Variants in SYT14 observed in about 807,000 individuals in gnomAD.
The protein encoded by SYT14 is synaptotagmin-14.
Under a neutral mutation model 74.2 loss-of-function variants are expected in SYT14, and 32 were observed. The ratio of observed to expected loss-of-function variants is 0.43; its 90% CI spans 0.33 to 0.58. The LOEUF (loss-of-function observed/expected upper bound fraction) is 0.58, where lower values mean the gene tolerates loss of function less well. Ranked by LOEUF, SYT14 falls within the 20% of genes least tolerant of loss-of-function variation. The pLI is 0.05. For missense variants in SYT14, 791 were observed against 981.8 expected (o/e 0.81, Z 2.60); for synonymous variants, 298 against 337.7 (o/e 0.88, Z 1.29).
intron 7 of SYT14, among the ~76,000 whole-genome samples, chr1:210,136,396 A>G (rs2082786959): frequency 6.6e-6 from 1 of 152,176 alleles, no homozygotes; most frequent in Admixed American, 6.5e-5. Context: ...AAGATTTATA[A>G]TAATTGGGGA....
chr1:209,974,062 T>G (rs1188358189), intron 2 of SYT14, among the ~76,000 whole-genome samples: 1 of 152,066 alleles, frequency 6.6e-6, no homozygotes, highest in Middle Eastern at 3.2e-3. Context: ...GGGGTTGTTT[T>G]TTTTTTCCTT....
chr1:210,029,685 A>G (rs941131285), intron 5 of SYT14, among the ~76,000 whole-genome samples: 1 of 152,182 alleles, frequency 6.6e-6, no homozygotes, highest in African/African-American at 2.4e-5. Flanking sequence ...TTTTGAAATC[A>G]AGAAGTTTGA....
intron 7 of SYT14, among the ~76,000 whole-genome samples, chr1:210,120,256 AG>A (rs1475450191): frequency 6.6e-6 from 1 of 152,166 alleles, no homozygotes; most frequent in African/African-American, 2.4e-5. Context: ...AATTATATAC[AG>A]TCATGCACCA....
chr1:210,029,354 G>A (rs750766596), intron 5 of SYT14, among the ~76,000 whole-genome samples: 1 of 152,002 alleles, frequency 6.6e-6, no homozygotes, highest in Non-Finnish European at 1.5e-5. Context: ...ATCCAATGTT[G>A]TGAGGCTTTT....
intron 2 of SYT14, among the ~76,000 whole-genome samples, chr1:209,964,609 A>T (rs1286989809): frequency 1.3e-5 from 2 of 152,144 alleles, no homozygotes; most frequent in Non-Finnish European, 2.9e-5. Context: ...TTCCAAAATA[A>T]TCCTTTTTCC....
intron 2 of SYT14, among the ~76,000 whole-genome samples, chr1:209,958,860 T>TTTTAGAA (rs1409003035): frequency 6.6e-6 from 1 of 152,192 alleles, no homozygotes; most frequent in African/African-American, 2.4e-5. Context: ...AAAAGGATAC[T>TTTTAGAA]CTATAATCCT....
Position 210,089,508 on chromosome 1 carries a change from C to T in SYT14, c.1313-4814C>T, listed in dbSNP as rs192205800. Among the ~76,000 whole-genome samples, 756 of 152,282 alleles carry T rather than the reference C, an allele frequency of 5.0e-3. 8 individuals carry two copies. The highest frequency in any genetic ancestry group is 6.5e-3 in the Non-Finnish European group (439 of 68,014). ...TACACTCCCACCAACAGTGTAAAAG[C>T]ATTCCTATTTTTCCACAACCTCTCC... On this transcript the variant is annotated intron_variant, in intron 5 of 9. Transcript: ENST00000637265.
At chr1:210,117,872 T>C (rs2082389583) in intron 7 of SYT14, among the ~76,000 whole-genome samples, 1 of 152,198 alleles carries the variant, frequency 6.6e-6, no homozygotes, top group Non-Finnish European at 1.5e-5. Context: ...AAACTGCTTT[T>C]TAAAGTATTT....
At chr1:210,098,174 CAA>C (rs879873358) in intron 6 of SYT14, among the ~76,000 whole-genome samples, 65 of 119,764 alleles carry the variant, frequency 5.4e-4, no homozygotes, top group Admixed American at 7.7e-4. Flanking sequence ...GACCCTGTGT[CAA>C]AAAAAAAAAA....
At chr1:210,142,479 G>A (rs764138203) in intron 7 of SYT14, among the ~76,000 whole-genome samples, 3 of 152,130 alleles carry the variant, frequency 2.0e-5, no homozygotes, top group Non-Finnish European at 2.9e-5. Flanking sequence ...CTGCCTGTAA[G>A]GGTGTTTGAG....
At chr1:210,017,017 A>G (rs1002888890) in exon 4 of SYT14, 159 of 1,231,750 alleles carry the variant, frequency 1.3e-4, no homozygotes, top group Middle Eastern at 3.1e-4. Flanking sequence ...ACATAAAACC[A>G]AAGAAAACTG....
intron 5 of SYT14, among the ~76,000 whole-genome samples, chr1:210,091,479 A>G (rs2081866550): frequency 6.6e-6 from 1 of 152,174 alleles, no homozygotes; most frequent in African/African-American, 2.4e-5. Context: ...GCTTGAGCCC[A>G]GGAATTCAGG....
At chr1:210,160,863 T>C (rs1295915768) in exon 10 of SYT14, 4 of 1,614,012 alleles carry the variant, frequency 2.5e-6, no homozygotes, top group Non-Finnish European at 3.4e-6. Context: ...ATTTCAGCTT[T>C]CTGATGTGAC....
intron 1 of SYT14, among the ~76,000 whole-genome samples, chr1:209,940,651 C>T (rs1224626896): frequency 1.3e-5 from 2 of 152,126 alleles, no homozygotes; most frequent in Admixed American, 1.3e-4. Context: ...CATTCAGTAA[C>T]GTCTGTCTAC....
chr1:210,076,310 C>T (rs1294314391), intron 5 of SYT14, among the ~76,000 whole-genome samples: 1 of 152,114 alleles, frequency 6.6e-6, no homozygotes, highest in African/African-American at 2.4e-5. Context: ...TTGATATGAG[C>T]AGTATCATAT....
At chr1:209,947,440 A>G (rs1572051781) in intron 1 of SYT14, among the ~76,000 whole-genome samples, 1 of 152,222 alleles carries the variant, frequency 6.6e-6, no homozygotes, top group Non-Finnish European at 1.5e-5. Context: ...ATCATGGATG[A>G]CTTTGAAAGG....
chr1:209,962,100 TTG>T (rs2079083500), intron 2 of SYT14, among the ~76,000 whole-genome samples: 1 of 152,110 alleles, frequency 6.6e-6, no homozygotes, highest in African/African-American at 2.4e-5. Context: ...AAAATTATAA[TTG>T]TCTTACTTTT....
At chr1:210,012,096 A>G (rs2080095517) in intron 2 of SYT14, among the ~76,000 whole-genome samples, 1 of 152,160 alleles carries the variant, frequency 6.6e-6, no homozygotes, top group African/African-American at 2.4e-5. Context: ...TCTGGAATAT[A>G]ATGTGATTTT....
intron 7 of SYT14, among the ~76,000 whole-genome samples, chr1:210,122,589 A>G (rs2082489300): frequency 6.6e-6 from 1 of 151,204 alleles, no homozygotes; most frequent in Admixed American, 6.6e-5. Flanking sequence ...TAGGTTCCAC[A>G]TATGGTCTCT....
Sources: allele counts gnomAD v4.1 joint callset (sites outside exome capture counted in the v4.1 genomes callset), GRCh38; gene constraint gnomAD v4.1.1; transcripts MANE v1.5; gene names NCBI Gene and HGNC (gene_info 2026-07-23, HGNC 2026-07-21).